The following NTM variants were observed in gnomAD, a reference collection of about 807,000 sequenced individuals.
The protein encoded by NTM is neurotrimin, also known as IgLON family member 2.
A neutral mutation model predicts 42.1 loss-of-function variants in NTM; 13 were observed. The observed-to-expected ratio is 0.31, with a 90% CI of 0.20 to 0.49. The LOEUF is 0.49. Ranked by LOEUF, NTM falls within the 20% of genes least tolerant of loss-of-function variation. NTM has a pLI of 0.99. For synonymous variants in NTM, 187 were observed against 179.2 expected, an observed-to-expected ratio of 1.04 and a Z score of -0.35; for missense variants, 373 against 452.8, an observed-to-expected ratio of 0.82 and a Z score of 1.60.
chr11:131,915,163 G>C (rs1010365090), intron 2 of NTM, among the ~76,000 whole-genome samples: 9 of 152,142 alleles, frequency 5.9e-5, no homozygotes, highest in African/African-American at 2.2e-4. Flanking sequence ...CCTAGAGAGG[G>C]GGAACTTACC....
At chr11:131,632,673 CT>C (rs529612626) in intron 1 of NTM, among the ~76,000 whole-genome samples, 12 of 83,092 alleles carry the variant, frequency 1.4e-4, no homozygotes, top group East Asian at 4.0e-4. Context: ...GCTCGGGCAG[CT>C]TTTTTTTTTT....
intron 6 of NTM, 62 bp from the exon 7 acceptor site, chr11:132,314,474 AATCCCTGGGCCTATCT>A: frequency 1.4e-6 from 2 of 1,470,436 alleles, no homozygotes; most frequent in Non-Finnish European, 1.8e-6. Flanking sequence ...GAAGACCAGG[AATCCCTGGGCCTATCT>A]TCTTCCTATG....
chr11:132,038,269 C>T (rs537239625), intron 2 of NTM, among the ~76,000 whole-genome samples: 1 of 152,318 alleles, frequency 6.6e-6, no homozygotes, highest in Admixed American at 6.5e-5. Context: ...TGATGGTGCT[C>T]GCTGCCCTCA....
intron 4 of NTM, among the ~76,000 whole-genome samples, chr11:132,225,310 T>TA (rs568067821): frequency 0.075 from 10,875 of 145,006 alleles, 1,186 homozygotes; most frequent in African/African-American, 0.24. Context: ...GGAGAAAAAT[T>TA]AAAAAAAAAA....
At chr11:131,651,866 A>G (rs2066535288) in intron 1 of NTM, among the ~76,000 whole-genome samples, 1 of 151,774 alleles carries the variant, frequency 6.6e-6, no homozygotes, top group Non-Finnish European at 1.5e-5. Context: ...AAAAAGAAAA[A>G]AAAAAATATC....
chr11:132,165,308 T>G (rs2137716545), intron 3 of NTM, among the ~76,000 whole-genome samples: 1 of 152,268 alleles, frequency 6.6e-6, no homozygotes, highest in Non-Finnish European at 1.5e-5. Context: ...CTAGAGATCG[T>G]CCTTGATTTA....
At chr11:131,399,712 C>T in intron 1 of NTM, among the ~76,000 whole-genome samples, 1 of 152,118 alleles carries the variant, frequency 6.6e-6, no homozygotes, top group East Asian at 1.9e-4. Context: ...AGCTCTTGTT[C>T]TAATCCTTAG....
intron 1 of NTM, among the ~76,000 whole-genome samples, chr11:131,631,598 G>A (rs985486963): frequency 3.3e-5 from 5 of 152,156 alleles, no homozygotes; most frequent in African/African-American, 7.2e-5. Context: ...TTCCTCCCAC[G>A]TTCCCATTAA....
intron 2 of NTM, among the ~76,000 whole-genome samples, chr11:132,086,789 G>A (rs887008803): frequency 6.6e-6 from 1 of 152,176 alleles, no homozygotes; most frequent in African/African-American, 2.4e-5. Flanking sequence ...TTACCCTTTT[G>A]TCAGTGTGTC....
chr11:131,974,589 GAGATT>G (rs1255724614), intron 2 of NTM, among the ~76,000 whole-genome samples: 11 of 152,324 alleles, frequency 7.2e-5, no homozygotes, highest in Non-Finnish European at 1.5e-4. Flanking sequence ...AATGTGAAAA[GAGATT>G]AGAAGATGTA....
intron 4 of NTM, among the ~76,000 whole-genome samples, chr11:132,303,695 C>A: frequency 1.5e-5 from 2 of 130,876 alleles, no homozygotes; most frequent in South Asian, 2.6e-4. Flanking sequence ...ATAGATAGGG[C>A]ACAGCTTTCT....
At chr11:131,554,845 T>C (rs921626564) in intron 1 of NTM, among the ~76,000 whole-genome samples, 1 of 152,154 alleles carries the variant, frequency 6.6e-6, no homozygotes, top group Admixed American at 6.5e-5. Context: ...GAAGACATCA[T>C]CTCCCAGCTC....
chr11:132,234,736 C>A (rs2088419003), intron 4 of NTM, among the ~76,000 whole-genome samples: 1 of 152,178 alleles, frequency 6.6e-6, no homozygotes, highest in African/African-American at 2.4e-5. Context: ...ACTTTGAAAT[C>A]TTGTCACTTT....
intron 1 of NTM, among the ~76,000 whole-genome samples, chr11:131,686,056 G>A (rs1460646862): frequency 6.6e-6 from 1 of 152,144 alleles, no homozygotes; most frequent in African/African-American, 2.4e-5. Flanking sequence ...AACAGACAGG[G>A]GCTGATGAGG....
chr11:131,491,243 A>G (rs938118852), intron 1 of NTM, among the ~76,000 whole-genome samples: 10 of 152,330 alleles, frequency 6.6e-5, no homozygotes, highest in East Asian at 3.9e-4. Flanking sequence ...CAGAGTTTAT[A>G]CCGAATTATC....
At chr11:131,477,032 C>T (rs926237481) in intron 1 of NTM, among the ~76,000 whole-genome samples, 4 of 151,972 alleles carry the variant, frequency 2.6e-5, no homozygotes, top group East Asian at 3.9e-4. Context: ...AGATTCAGCT[C>T]GATAGGCATG....
chr11:131,485,371 G>T (rs775960975), intron 1 of NTM, among the ~76,000 whole-genome samples: 41 of 152,226 alleles, frequency 2.7e-4, no homozygotes, highest in Admixed American at 7.2e-4. Flanking sequence ...GCCCTTCTGT[G>T]CCAGCTACCA....
intron 1 of NTM, among the ~76,000 whole-genome samples, chr11:131,581,476 T>A (rs929548272): frequency 4.6e-5 from 7 of 152,146 alleles, no homozygotes; most frequent in Admixed American, 3.3e-4. Context: ...ATAAAATGAG[T>A]GTTCCTATGA....
intron 1 of NTM, among the ~76,000 whole-genome samples, chr11:131,487,523 C>T (rs1424774217): frequency 6.6e-6 from 1 of 152,118 alleles, no homozygotes; most frequent in East Asian, 1.9e-4. Context: ...TTCTTTCTTT[C>T]TATGGGTTAG....
Sources: allele counts gnomAD v4.1 joint callset (sites outside exome capture counted in the v4.1 genomes callset), GRCh38; gene constraint gnomAD v4.1.1; transcripts MANE v1.5; gene names NCBI Gene and HGNC (gene_info 2026-07-23, HGNC 2026-07-21).